The following GALNT18 variants were observed in gnomAD, a reference collection of about 807,000 sequenced individuals.
GALNT18 encodes GalNAc-transferase 18.
GALNT18 carries 44 observed loss-of-function variants against 69.5 expected under a neutral mutation model. That is an observed-to-expected ratio of 0.63 (90% CI 0.50 to 0.81). The LOEUF (loss-of-function observed/expected upper bound fraction) is 0.81. GALNT18 is among the 40% of genes least tolerant of loss of function. The pLI is 0.00. For missense variants in GALNT18, 715 were observed against 810.0 expected (o/e 0.88, Z 1.42); for synonymous variants, 364 against 318.2 (o/e 1.14, Z -1.53).
At chr11:11,411,207 G>A (rs1483470619) in intron 3 of GALNT18, among the ~76,000 whole-genome samples, 3 of 152,128 alleles carry the variant, frequency 2.0e-5, no homozygotes, top group Non-Finnish European at 4.4e-5. Flanking sequence ...CCAGCTACTC[G>A]GGAGGTTAAG....
Position 11,540,734 on chromosome 11 carries a change from T to A in GALNT18, c.235+80625A>T, listed in dbSNP as rs950310195. ...ACAAGCACTGAATGATACAACTTCA[T>A]CCCTGTATGACTCTCTGATCACAGC... is the stretch of plus-strand genomic sequence containing the variant. On this transcript the variant is annotated intron_variant, in intron 1 of 10. Coordinates refer to ENST00000227756, the MANE Select transcript of GALNT18 (RefSeq NM_198516.3). This position sits in a 1 kb window ranked among gnomAD's most constrained non-coding sequence, Gnocchi z 4.6. 2.6e-5 allele frequency among the ~76,000 whole-genome samples: 4 copies of A among 152,124 alleles called. No individual in the cohort carries two copies. The highest frequency in any genetic ancestry group is 9.7e-5 in the African/African-American group (4 of 41,402).
At position 11,340,744 on chromosome 11, in the gene GALNT18, G is replaced by T; in HGVS notation, c.1278+75C>A. On this transcript the variant is annotated intron_variant, in intron 7 of 10. Coordinates refer to ENST00000227756, the MANE Select transcript of GALNT18 (RefSeq NM_198516.3). This position sits in a 1 kb window ranked among gnomAD's most constrained non-coding sequence, Gnocchi z 4.2. ...GACTCTGGCTGACCCATAGGAAGAA[G>T]GGTTCGGTCCCATATCTTGTTTTGT... 1.4e-6 allele frequency: 2 copies of T among 1,383,934 alleles called. No individual in the cohort carries two copies. Among genetic ancestry groups the T allele is most frequent in the Admixed American group, 2.2e-5 (1 of 46,466 alleles). The allele number at this position is 1,383,934 out of a possible 1,614,324, so 85.7% of individuals were successfully genotyped here.
chr11:11,621,049 G>C lies in GALNT18; in HGVS notation c.235+310C>G, dbSNP rs930720989. Among the ~76,000 whole-genome samples the C allele has an allele frequency of 6.6e-6, 1 of 152,148 alleles. No individual in the cohort carries two copies. Among genetic ancestry groups the C allele is most frequent in the African/African-American group, 2.4e-5 (1 of 41,438 alleles). ...CTTGTGTGCGATCCCGAGAGCCCGC[G>C]AGCAACCAGCCCAGAGTCACACGCA... On this transcript the variant is annotated intron_variant, in intron 1 of 10. Transcript: ENST00000227756. This position sits in a 1 kb window ranked among gnomAD's most constrained non-coding sequence, Gnocchi z 9.3.
In GALNT18 at chr11:11,418,822, A is replaced by C. The variant is rs569823858; in HGVS notation, c.595+13799T>G. Reference sequence around the variant, plus strand: ...TGGTCTCTAGGCATTGCCATGAATTAGGTGTGTGATGTTGGGAAACTCACT... The same window carrying C: ...TGGTCTCTAGGCATTGCCATGAATTCGGTGTGTGATGTTGGGAAACTCACT... On this transcript the variant is annotated intron_variant, in intron 3 of 10. Transcript: ENST00000227756. Among the ~76,000 whole-genome samples the C allele has an allele frequency of 2.6e-5, 4 of 152,342 alleles. No homozygotes were observed. In the East Asian group the frequency reaches 7.7e-4, roughly 29 times the overall value.
intron 1 of GALNT18, among the ~76,000 whole-genome samples, chr11:11,478,094 T>C (rs1856441864): frequency 6.6e-6 from 1 of 152,168 alleles, no homozygotes; most frequent in African/African-American, 2.4e-5. Flanking sequence ...TTTGCAAAGA[T>C]AATTTGAGGA....
At position 11,340,688 on chromosome 11, in the gene GALNT18, G is replaced by T; in HGVS notation, c.1278+131C>A. 1.2e-6 allele frequency: 1 copy of T among 800,350 alleles called. No individual in the cohort carries two copies. The highest frequency in any genetic ancestry group is 2.0e-6 in the Non-Finnish European group (1 of 506,088). 49.6% of individuals were successfully genotyped at this position (800,350 alleles called of 1,614,324 possible). On this transcript the variant is annotated intron_variant, in intron 7 of 10. Coordinates refer to ENST00000227756, the MANE Select transcript of GALNT18 (RefSeq NM_198516.3). This position sits in a 1 kb window ranked among gnomAD's most constrained non-coding sequence, Gnocchi z 4.2. Reference sequence around the variant, plus strand: ...TTCTTCAGCAAATAATATGTTTTGGGGTTGAGAGTCCATTCTTGCATGGCA... The same window carrying T: ...TTCTTCAGCAAATAATATGTTTTGGTGTTGAGAGTCCATTCTTGCATGGCA...
At chr11:11,429,237 A>G (rs929707312) in intron 3 of GALNT18, among the ~76,000 whole-genome samples, 1 of 152,040 alleles carries the variant, frequency 6.6e-6, no homozygotes, top group Non-Finnish European at 1.5e-5. Context: ...TATTCCTGAA[A>G]TTCTCTCTGC....
At chr11:11,329,777 T>A (rs1849987761) in intron 8 of GALNT18, among the ~76,000 whole-genome samples, 1 of 152,160 alleles carries the variant, frequency 6.6e-6, no homozygotes, top group African/African-American at 2.4e-5. Flanking sequence ...CATGCGTAAA[T>A]GACTGGCATT....
At chr11:11,369,585 T>C (rs1850849771) in intron 6 of GALNT18, among the ~76,000 whole-genome samples, 1 of 152,186 alleles carries the variant, frequency 6.6e-6, no homozygotes, top group South Asian at 2.1e-4. Context: ...GGTTAGGACA[T>C]ATTGGGGCTG....
intron 9 of GALNT18, among the ~76,000 whole-genome samples, chr11:11,306,458 C>A (rs1387423183): frequency 6.6e-6 from 1 of 152,126 alleles, no homozygotes; most frequent in Non-Finnish European, 1.5e-5. Context: ...AGATATAAGT[C>A]TCTCTATTTC....
chr11:11,444,483 G>A lies in GALNT18; in HGVS notation c.428+4261C>T, dbSNP rs1272370721. On this transcript the variant is annotated intron_variant, in intron 2 of 10. Transcript: ENST00000227756. This position sits in a 1 kb window ranked among gnomAD's most constrained non-coding sequence, Gnocchi z 4.4. Reference sequence around the variant, plus strand: ...CTTTGTTGGGTGCCGGGCACATCATGAGTGCTCAGTAAATGTTGGCTGGAT... The same window carrying A: ...CTTTGTTGGGTGCCGGGCACATCATAAGTGCTCAGTAAATGTTGGCTGGAT... 6.6e-6 allele frequency among the ~76,000 whole-genome samples: 1 copy of A among 152,218 alleles called. No homozygotes were observed. The highest frequency in any genetic ancestry group is 2.4e-5 in the African/African-American group (1 of 41,458).
chr11:11,413,568 T>G lies in GALNT18; in HGVS notation c.595+19053A>C, dbSNP rs1485989647. Among the ~76,000 whole-genome samples the G allele has an allele frequency of 1.3e-5, 2 of 152,252 alleles. No individual in the cohort carries two copies. The highest frequency in any genetic ancestry group is 6.8e-3 in the Middle Eastern group (2 of 294). ...CACCGTACCACTAGCCCAGAACAAT[T>G]GAAGTAACTCACTGAGGTGTCAGCT... On this transcript the variant is annotated intron_variant, in intron 3 of 10. Coordinates refer to ENST00000227756, the MANE Select transcript of GALNT18 (RefSeq NM_198516.3). The surrounding 1 kb of genome is among the most constrained non-coding windows in gnomAD (Gnocchi z 4.7).
chr11:11,554,135 G>A (rs576436417), intron 1 of GALNT18, among the ~76,000 whole-genome samples: 1 of 152,272 alleles, frequency 6.6e-6, no homozygotes, highest in South Asian at 2.1e-4. Context: ...GCTTCTTCCC[G>A]ACTCAGCTCA....
chr11:11,545,215 G>C (rs1858020530), intron 1 of GALNT18, among the ~76,000 whole-genome samples: 1 of 152,250 alleles, frequency 6.6e-6, no homozygotes, highest in Non-Finnish European at 1.5e-5. Context: ...CAGTTGCACA[G>C]CTTCTGCTTT....
chr11:11,489,224 T>C (rs2403516), intron 1 of GALNT18, among the ~76,000 whole-genome samples: 107 of 152,340 alleles, frequency 7.0e-4, no homozygotes, highest in African/African-American at 2.5e-3. Flanking sequence ...AGCATTATTA[T>C]GACAGTGAAA....
chr11:11,613,245 T>A lies in GALNT18; in HGVS notation c.235+8114A>T, dbSNP rs192470573. On this transcript the variant is annotated intron_variant, in intron 1 of 10. Coordinates refer to ENST00000227756, the MANE Select transcript of GALNT18 (RefSeq NM_198516.3). This position sits in a 1 kb window ranked among gnomAD's most constrained non-coding sequence, Gnocchi z 4.2. ...AAGTTCCAGTTGGCTGCACTGGAAC[T>A]ACAGGGGATCTATAAAAGGTATACA... 1.9e-3 allele frequency among the ~76,000 whole-genome samples: 286 copies of A among 152,286 alleles called. 2 individuals carry two copies. The highest frequency in any genetic ancestry group is 6.6e-3 in the African/African-American group (275 of 41,548).
intron 1 of GALNT18, among the ~76,000 whole-genome samples, chr11:11,566,678 T>C (rs1298934194): frequency 2.0e-5 from 3 of 152,190 alleles, no homozygotes; most frequent in African/African-American, 4.8e-5. Flanking sequence ...AGGTGAAGGA[T>C]ATACAGATGT....
At chr11:11,434,668 A>G (rs2133798306) in intron 2 of GALNT18, among the ~76,000 whole-genome samples, 1 of 152,224 alleles carries the variant, frequency 6.6e-6, no homozygotes, top group African/African-American at 2.4e-5. Flanking sequence ...CTGTGGATCC[A>G]AGGAAACCAG....
At chr11:11,275,302 T>C (rs1360350173) in intron 10 of GALNT18, among the ~76,000 whole-genome samples, 1 of 151,990 alleles carries the variant, frequency 6.6e-6, no homozygotes, top group East Asian at 1.9e-4. Flanking sequence ...CCAGAGATAA[T>C]GACCATTTTT....
Sources: gnomAD v4.1 joint callset for allele counts (sites outside exome capture counted in the v4.1 genomes callset) on GRCh38, gnomAD v4.1.1 for gene constraint, Gnocchi (gnomAD v3.1) non-coding constraint, MANE v1.5 for transcripts, NCBI Gene and HGNC (gene_info 2026-07-23, HGNC 2026-07-21) for gene names.